TENM2: variants seen among roughly 807,000 people sequenced by gnomAD.
TENM2 encodes the protein teneurin-2.
A neutral mutation model predicts 245.2 loss-of-function variants in TENM2; 52 were observed. That is an observed-to-expected ratio of 0.21 (90% CI 0.17 to 0.27). The LOEUF (loss-of-function observed/expected upper bound fraction) is 0.27, where lower values mean the gene tolerates loss of function less well. Among genes scored for constraint, TENM2 ranks in the 10% least tolerant of loss-of-function variants. TENM2 has a pLI of 1.00. For missense variants in TENM2, 3,046 were observed against 3,666.8 expected (o/e 0.83, Z 4.37); for synonymous variants, 1,363 against 1,438.9 (o/e 0.95, Z 1.19).
At chr5:167,335,222 AAG>A (rs1355787254) in intron 1 of TENM2, among the ~76,000 whole-genome samples, 1 of 152,152 alleles carries the variant, frequency 6.6e-6, no homozygotes, top group Non-Finnish European at 1.5e-5. Context: ...AGCAGGAGCA[AAG>A]AGAGGGGAAG....
At position 167,580,079 on chromosome 5, in the gene TENM2, G is replaced by C. The variant is rs528972489; in HGVS notation, c.502+204606G>C. ...CTCTTAACTGGACAGAATCATAATT[G>C]CCTATAGAGTACGGTCCTGATTATC... On this transcript the variant is annotated intron_variant, in intron 2 of 28. Coordinates refer to ENST00000518659, the Ensembl canonical transcript of TENM2. Among the ~76,000 whole-genome samples the C allele has an allele frequency of 1.3e-3, 192 of 152,296 alleles. 1 individual carries two copies. The highest frequency in any genetic ancestry group is 4.4e-3 in the African/African-American group (184 of 41,550).
At chr5:167,015,609 A>G in the TENM2 span, among the ~76,000 whole-genome samples, 1 of 152,176 alleles carries the variant, frequency 6.6e-6, no homozygotes, top group Non-Finnish European at 1.5e-5. Flanking sequence ...AAATTATCAT[A>G]TGTGATTTCT....
rs192043053 is a variant in TENM2 at position 167,783,070 on chromosome 5, T to G, written c.503-92916T>G. Among the ~76,000 whole-genome samples, 33 of 152,194 alleles carry G rather than the reference T, an allele frequency of 2.2e-4. No homozygotes were observed. The East Asian group carries it at 4.4e-3, about 20-fold the overall frequency. On this transcript the variant is annotated intron_variant, in intron 2 of 28. Transcript: ENST00000518659. ...CTGCCACTTAAAAGTGGGGAAGGGG[T>G]TGCTTAATTTTTAAAGCACAGTGCA...
rs182522069 is a variant in TENM2 at position 167,790,423 on chromosome 5, A to G, written c.503-85563A>G. On this transcript the variant is annotated intron_variant, in intron 2 of 28. Coordinates refer to ENST00000518659, the Ensembl canonical transcript of TENM2. ...GTAAAGCGATGTTCGACTCTGCATG[A>G]TTCCTACTTAGAAAATGCACACGCT... is the stretch of plus-strand genomic sequence containing the variant. 4.5e-4 allele frequency among the ~76,000 whole-genome samples: 69 copies of G among 152,328 alleles called. No individual in the cohort carries two copies. In the East Asian group the frequency reaches 9.1e-3, roughly 20 times the overall value.
intron 2 of TENM2, among the ~76,000 whole-genome samples, chr5:167,391,363 C>A (rs1050603148): frequency 1.3e-5 from 2 of 151,946 alleles, no homozygotes; most frequent in East Asian, 3.9e-4. Flanking sequence ...TAGTGGCTCA[C>A]GTGTGTAATC....
At chr5:167,845,712 C>T (rs975610339) in intron 2 of TENM2, among the ~76,000 whole-genome samples, 1 of 152,100 alleles carries the variant, frequency 6.6e-6, no homozygotes, top group Non-Finnish European at 1.5e-5. Context: ...GGTTTGTGAT[C>T]CCTAGCCTAG....
At chr5:167,150,186 A>G in the TENM2 span, among the ~76,000 whole-genome samples, 1 of 152,134 alleles carries the variant, frequency 6.6e-6, no homozygotes. Context: ...TGCTTACTCT[A>G]TGGCCTACTC....
At chr5:167,525,282 G>A (rs1418501377) in intron 2 of TENM2, among the ~76,000 whole-genome samples, 2 of 152,170 alleles carry the variant, frequency 1.3e-5, no homozygotes, top group Non-Finnish European at 2.9e-5. Flanking sequence ...TTATGACACT[G>A]TGATGACGTA....
chr5:167,663,180 G>GAGAGAA (rs1755347031), intron 2 of TENM2, among the ~76,000 whole-genome samples: 12 of 139,194 alleles, frequency 8.6e-5, no homozygotes, highest in African/African-American at 2.6e-4. Context: ...GAGAGAGAGA[G>GAGAGAA]AGAGAGAAAG....
At chr5:167,584,602 T>C (rs548660132) in intron 2 of TENM2, among the ~76,000 whole-genome samples, 7 of 152,176 alleles carry the variant, frequency 4.6e-5, no homozygotes, top group Non-Finnish European at 1.0e-4. Flanking sequence ...GTTTTCCTTT[T>C]CATTCAGTTC....
intron 2 of TENM2, among the ~76,000 whole-genome samples, chr5:167,766,005 C>T (rs1247500896): frequency 6.6e-6 from 1 of 152,062 alleles, no homozygotes; most frequent in Non-Finnish European, 1.5e-5. Context: ...GCTCTTTTGC[C>T]ATAGGATTTA....
intron 3 of TENM2, among the ~76,000 whole-genome samples, chr5:167,948,386 G>C (rs749082742): frequency 4.6e-5 from 7 of 152,360 alleles, no homozygotes; most frequent in Non-Finnish European, 8.8e-5. Context: ...CAGAAGCACA[G>C]ACCATTCTTT....
At chr5:167,333,787 C>A (rs778728629) in intron 1 of TENM2, among the ~76,000 whole-genome samples, 5 of 152,150 alleles carry the variant, frequency 3.3e-5, no homozygotes, top group Non-Finnish European at 7.3e-5. Context: ...TGCAATAAAC[C>A]TGCCTCTTAG....
intron 2 of TENM2, among the ~76,000 whole-genome samples, chr5:167,846,553 T>A (rs1770057321): frequency 6.6e-6 from 1 of 152,196 alleles, no homozygotes; most frequent in Admixed American, 6.5e-5. Flanking sequence ...CAGGTGTTGT[T>A]TCTGTGATGC....
At chr5:167,106,863 A>T in the TENM2 span, among the ~76,000 whole-genome samples, 1 of 152,144 alleles carries the variant, frequency 6.6e-6, no homozygotes. Context: ...CATGGGAGAA[A>T]CTGGCAAGAA....
At chr5:167,853,365 G>A (rs1227512030) in intron 2 of TENM2, among the ~76,000 whole-genome samples, 1 of 148,456 alleles carries the variant, frequency 6.7e-6, no homozygotes, top group Non-Finnish European at 1.5e-5. Context: ...AAAATAACAT[G>A]GCACTAATGA....
chr5:167,313,963 G>A (rs538234586), intron 1 of TENM2, among the ~76,000 whole-genome samples: 2 of 152,186 alleles, frequency 1.3e-5, no homozygotes, highest in Non-Finnish European at 2.9e-5. Context: ...TCCCTGTCCC[G>A]AGTCTCATTT....
intron 4 of TENM2, among the ~76,000 whole-genome samples, chr5:167,971,026 T>C (rs1781735958): frequency 6.6e-6 from 1 of 152,190 alleles, no homozygotes; most frequent in African/African-American, 2.4e-5. Context: ...ATAAAAGCAG[T>C]GTTACAATGG....
At chr5:167,085,613 T>G in the TENM2 span, among the ~76,000 whole-genome samples, 1 of 152,174 alleles carries the variant, frequency 6.6e-6, no homozygotes, top group Admixed American at 6.6e-5. Context: ...GGTTTATGCA[T>G]TCATAGCAAG....
Sources: gnomAD v4.1 joint callset for allele counts (sites outside exome capture counted in the v4.1 genomes callset) on GRCh38, gnomAD v4.1.1 for gene constraint, MANE v1.5 for transcripts, NCBI Gene and HGNC (gene_info 2026-07-23, HGNC 2026-07-21) for gene names.